Variants in NTN1 observed in about 807,000 individuals in gnomAD.
NTN1 encodes the protein netrin 1, also known as netrin-1.
NTN1 carries 11 observed loss-of-function variants against 54.2 expected under a neutral mutation model. That is an observed-to-expected ratio of 0.20 (90% CI 0.13 to 0.34). The LOEUF is 0.34. NTN1 is among the 10% of genes least tolerant of loss of function. The pLI is 1.00. For missense variants in NTN1, 740 were observed against 893.1 expected (o/e 0.83, Z 2.18); for synonymous variants, 371 against 382.0 (o/e 0.97, Z 0.33).
At chr17:9,090,486 T>C (rs967882574) in intron 2 of NTN1, among the ~76,000 whole-genome samples, 2 of 152,156 alleles carry the variant, frequency 1.3e-5, no homozygotes, top group Admixed American at 6.5e-5. Context: ...ACTCCTCATC[T>C]TTCTTACTTA....
chr17:9,059,828 CAAAAAAA>C (rs34556932), intron 2 of NTN1, among the ~76,000 whole-genome samples: 99 of 140,862 alleles, frequency 7.0e-4, no homozygotes, highest in African/African-American at 2.1e-3. Context: ...ACCTCAATTA[CAAAAAAA>C]AAAAAAAAAA....
chr17:9,168,190 A>G (rs1345068085), intron 3 of NTN1, among the ~76,000 whole-genome samples: 1 of 152,214 alleles, frequency 6.6e-6, no homozygotes, highest in Non-Finnish European at 1.5e-5. Context: ...AATGTTTTTT[A>G]TGATTATCTT....
intron 2 of NTN1, among the ~76,000 whole-genome samples, chr17:9,106,536 C>T (rs1243923895): frequency 6.8e-6 from 1 of 147,550 alleles, no homozygotes; most frequent in Non-Finnish European, 1.5e-5. Flanking sequence ...TTCCTTTCGA[C>T]AGAGTCTCGC....
intron 2 of NTN1, among the ~76,000 whole-genome samples, chr17:9,042,428 C>T (rs1442045788): frequency 5.3e-5 from 8 of 151,456 alleles, no homozygotes; most frequent in Admixed American, 5.3e-4. Context: ...GGCTATAATG[C>T]GCTATGACTG....
At chr17:9,088,275 C>G (rs897274122) in intron 2 of NTN1, among the ~76,000 whole-genome samples, 14 of 152,194 alleles carry the variant, frequency 9.2e-5, no homozygotes, top group Admixed American at 6.5e-5. Flanking sequence ...GCCACCTCTT[C>G]CATGACTTGG....
chr17:9,046,756 A>T (rs942610635), intron 2 of NTN1, among the ~76,000 whole-genome samples: 2 of 152,232 alleles, frequency 1.3e-5, no homozygotes, highest in Non-Finnish European at 2.9e-5. Context: ...ACTGCACTCC[A>T]GCCTGGTTGG....
chr17:9,047,656 A>G (rs756373208), intron 2 of NTN1, among the ~76,000 whole-genome samples: 1 of 151,656 alleles, frequency 6.6e-6, no homozygotes. Context: ...AACTCCTGTT[A>G]ATGTTGATAT....
intron 2 of NTN1, among the ~76,000 whole-genome samples, chr17:9,081,474 C>T (rs984199946): frequency 1.1e-4 from 16 of 152,176 alleles, no homozygotes; most frequent in Admixed American, 9.8e-4. Context: ...CATTTATCAC[C>T]AACACCCAAG....
Position 9,135,690 on chromosome 17 carries a change from C to T in NTN1, c.1019-27123C>T, listed in dbSNP as rs374662069. Among the ~76,000 whole-genome samples the T allele has an allele frequency of 6.6e-6, 1 of 152,226 alleles. No homozygotes were observed. Among genetic ancestry groups the T allele is most frequent in the Non-Finnish European group, 1.5e-5 (1 of 68,042 alleles). ...TCTTACTTCTTCTAAGCTGTTGTCTCATCTCCAGGTTGAGGTTCTAGGGCT... is the reference window on the plus strand; with the variant it reads ...TCTTACTTCTTCTAAGCTGTTGTCTTATCTCCAGGTTGAGGTTCTAGGGCT... On this transcript the variant is annotated intron_variant, in intron 2 of 6. Coordinates refer to ENST00000173229, the MANE Select transcript of NTN1 (RefSeq NM_004822.3). This position sits in a 1 kb window ranked among gnomAD's most constrained non-coding sequence, Gnocchi z 4.4.
At chr17:9,085,814 C>T (rs980996323) in intron 2 of NTN1, among the ~76,000 whole-genome samples, 31 of 152,212 alleles carry the variant, frequency 2.0e-4, no homozygotes, top group South Asian at 1.9e-3. Flanking sequence ...GCATTCAAGG[C>T]GCTGGGGATT....
chr17:9,226,275 G>A (rs1905544598), intron 6 of NTN1, among the ~76,000 whole-genome samples: 1 of 152,144 alleles, frequency 6.6e-6, no homozygotes, highest in Non-Finnish European at 1.5e-5. Context: ...ACTGTGGACA[G>A]GGAGCTTCGC....
intron 2 of NTN1, among the ~76,000 whole-genome samples, chr17:9,153,281 T>C (rs999270424): frequency 1.3e-5 from 2 of 152,064 alleles, no homozygotes; most frequent in Admixed American, 6.5e-5. Context: ...ACCCCGTCTC[T>C]ATTAAAAATA....
At chr17:9,141,580 T>C (rs966952721) in intron 2 of NTN1, among the ~76,000 whole-genome samples, 1 of 151,732 alleles carries the variant, frequency 6.6e-6, no homozygotes, top group African/African-American at 2.4e-5. Flanking sequence ...CCATGGAAGC[T>C]GGGGAGAGAC....
chr17:9,230,753 C>G (rs1905783052), intron 6 of NTN1, among the ~76,000 whole-genome samples: 1 of 152,132 alleles, frequency 6.6e-6, no homozygotes, highest in African/African-American at 2.4e-5. Context: ...GAGATGGGCC[C>G]CAGAAGGGCC....
chr17:9,226,161 T>TGGGGG (rs148213778), intron 6 of NTN1, among the ~76,000 whole-genome samples: 8,268 of 114,820 alleles, frequency 0.072, 813 homozygotes, highest in Non-Finnish European at 0.11. Context: ...GGATTTGGGG[T>TGGGGG]CGGGGGGGGG....
chr17:9,205,451 G>T (rs1290687783), intron 5 of NTN1, among the ~76,000 whole-genome samples: 1 of 152,248 alleles, frequency 6.6e-6, no homozygotes, highest in Non-Finnish European at 1.5e-5. Flanking sequence ...AACATAGTGA[G>T]ACCTCATCTC....
rs114386820 is a variant in NTN1 at position 9,053,530 on chromosome 17, C to T, written c.1018+30139C>T. Among the ~76,000 whole-genome samples the T allele has an allele frequency of 5.5e-3, 840 of 152,336 alleles. 9 individuals carry two copies. Among genetic ancestry groups the T allele is most frequent in the African/African-American group, 0.019 (787 of 41,568 alleles). On this transcript the variant is annotated intron_variant, in intron 2 of 6. Transcript: ENST00000173229. ...GTCCCCTGTGGACGTTGCTGTAGAA[C>T]TTCTGAAAATGAGTACTTCTCCCCT...
chr17:9,113,780 T>G (rs1597492233), intron 2 of NTN1, among the ~76,000 whole-genome samples: 1 of 152,242 alleles, frequency 6.6e-6, no homozygotes, highest in East Asian at 1.9e-4. Flanking sequence ...TCAAGGATGT[T>G]CACTGCAATG....
At chr17:9,183,266 C>A in intron 5 of NTN1, 2 of 620,130 alleles carry the variant, frequency 3.2e-6, no homozygotes. Flanking sequence ...CAGCCCAACA[C>A]CTTCCAGGCT....
Sources: allele counts gnomAD v4.1 joint callset (sites outside exome capture counted in the v4.1 genomes callset), GRCh38; gene constraint gnomAD v4.1.1; non-coding constraint Gnocchi (gnomAD v3.1); transcripts MANE v1.5; gene names NCBI Gene and HGNC (gene_info 2026-07-23, HGNC 2026-07-21).